Variants in DPYSL2 observed in about 807,000 individuals in gnomAD.
DPYSL2 encodes the protein dihydropyrimidinase-related protein 2.
DPYSL2 carries 13 observed loss-of-function variants against 69.9 expected under a neutral mutation model. The observed-to-expected ratio is 0.19, with a 90% CI of 0.12 to 0.30. DPYSL2 has a LOEUF of 0.30. Ranked by LOEUF, DPYSL2 falls within the 10% of genes least tolerant of loss-of-function variation. DPYSL2 has a pLI of 1.00. For synonymous variants in DPYSL2, 326 were observed against 359.1 expected (o/e 0.91, Z 1.04); for missense variants, 587 against 918.9 (o/e 0.64, Z 4.67).
In DPYSL2 at chr8:26,627,473, C is replaced by T. The variant is rs1802644837; in HGVS notation, c.936+178C>T. 6.6e-6 allele frequency among the ~76,000 whole-genome samples: 1 copy of T among 152,178 alleles called. No homozygotes were observed. The highest frequency in any genetic ancestry group is 1.5e-5 in the Non-Finnish European group (1 of 68,040). On this transcript the variant is annotated intron_variant, in intron 6 of 13. Coordinates refer to ENST00000521913, the MANE Select transcript of DPYSL2 (RefSeq NM_001197293.3). The surrounding 1 kb of genome is among the most constrained non-coding windows in gnomAD (Gnocchi z 6.9). ...GCATGAATGCCAGTGACACACGTGC[C>T]TCTCCGTGTGTGCCACAGAACATCT... is the stretch of plus-strand genomic sequence containing the variant.
At chr8:26,547,168 G>C (rs907662853) in intron 1 of DPYSL2, among the ~76,000 whole-genome samples, 1 of 151,766 alleles carries the variant, frequency 6.6e-6, no homozygotes, top group Non-Finnish European at 1.5e-5. Flanking sequence ...TTGGAGGCCA[G>C]CCTGGGCAAT....
In DPYSL2 at chr8:26,627,313, T is replaced by C. The variant is rs376904203; in HGVS notation, c.936+18T>C. 2 of 1,613,806 alleles carry C rather than the reference T, an allele frequency of 1.2e-6. No homozygotes were observed. Among genetic ancestry groups the C allele is most frequent in the Non-Finnish European group, 1.7e-6 (2 of 1,179,704 alleles). On this transcript the variant is annotated intron_variant, in intron 6 of 13. Coordinates refer to ENST00000521913, the MANE Select transcript of DPYSL2 (RefSeq NM_001197293.3). The surrounding 1 kb of genome is among the most constrained non-coding windows in gnomAD (Gnocchi z 6.9). ...TTGCAGAGGTACAGGGCTTTCTTTTTCGTCATTTCTTCATCACCTGGAGGG... is the reference window on the plus strand; with the variant it reads ...TTGCAGAGGTACAGGGCTTTCTTTTCCGTCATTTCTTCATCACCTGGAGGG...
chr8:26,601,697 G>T (rs780014638), intron 3 of DPYSL2, among the ~76,000 whole-genome samples: 4 of 152,202 alleles, frequency 2.6e-5, no homozygotes, highest in Admixed American at 6.5e-5. Context: ...AGGAACTTCA[G>T]GTGCTAATGT....
chr8:26,627,840 C>T lies in DPYSL2; in HGVS notation c.937-32C>T. On this transcript the variant is annotated intron_variant, in intron 6 of 13. Transcript: ENST00000521913. This position sits in a 1 kb window ranked among gnomAD's most constrained non-coding sequence, Gnocchi z 6.9. ...TCAGAGCTGTGCAAAATCCACTCTC[C>T]CTCACAGCCTGACTTTCTCTAAACA... 1.2e-6 allele frequency: 2 copies of T among 1,610,164 alleles called. No homozygotes were observed. The highest frequency in any genetic ancestry group is 1.7e-6 in the Non-Finnish European group (2 of 1,178,462).
rs1030253648 is a variant in DPYSL2, at chr8:26,598,084, T to G, written c.628+14101T>G. Among the ~76,000 whole-genome samples the G allele has an allele frequency of 6.6e-6, 1 of 152,132 alleles. No individual in the cohort carries two copies. Among genetic ancestry groups the G allele is most frequent in the African/African-American group, 2.4e-5 (1 of 41,420 alleles). On this transcript the variant is annotated intron_variant, in intron 3 of 13. Coordinates refer to ENST00000521913, the MANE Select transcript of DPYSL2 (RefSeq NM_001197293.3). This position sits in a 1 kb window ranked among gnomAD's most constrained non-coding sequence, Gnocchi z 4.2. ...GCATGTCTTGCATAATAGGGTTGCTTTGAGGATCCAGGGAGGTGGTGGCTA... is the reference window on the plus strand; with the variant it reads ...GCATGTCTTGCATAATAGGGTTGCTGTGAGGATCCAGGGAGGTGGTGGCTA...
At chr8:26,540,903 T>G (rs911632420) in intron 1 of DPYSL2, among the ~76,000 whole-genome samples, 1 of 70,938 alleles carries the variant, frequency 1.4e-5, no homozygotes, top group African/African-American at 4.0e-5. Context: ...AGACTCTGTC[T>G]CAAAAAAAAA....
intron 1 of DPYSL2, among the ~76,000 whole-genome samples, chr8:26,572,048 G>A (rs532799448): frequency 4.9e-4 from 74 of 152,306 alleles, no homozygotes; most frequent in African/African-American, 1.7e-3. Context: ...CTGTGTTAGA[G>A]GCCACAGCCC....
At chr8:26,556,192 T>A (rs1200088959) in intron 1 of DPYSL2, among the ~76,000 whole-genome samples, 1 of 9,026 alleles carries the variant, frequency 1.1e-4, no homozygotes, top group African/African-American at 3.6e-4. Context: ...ACTATATATA[T>A]TATATATACT....
At chr8:26,599,836 T>C (rs762130481) in intron 3 of DPYSL2, among the ~76,000 whole-genome samples, 1 of 152,202 alleles carries the variant, frequency 6.6e-6, no homozygotes. Context: ...CACAGAATTG[T>C]GGAAGCATCA....
In DPYSL2 at chr8:26,536,128, C is replaced by T. The variant is rs1167150640; in HGVS notation, c.354+21449C>T. ...TCCTTTTTTTTTTTTTTTCTAGAGACAGAGTCTTGCTAAGTTGCCCAGGCT... is the reference window on the plus strand; with the variant it reads ...TCCTTTTTTTTTTTTTTTCTAGAGATAGAGTCTTGCTAAGTTGCCCAGGCT... On this transcript the variant is annotated intron_variant, in intron 1 of 13. Coordinates refer to ENST00000521913, the MANE Select transcript of DPYSL2 (RefSeq NM_001197293.3). 2.6e-4 allele frequency among the ~76,000 whole-genome samples: 38 copies of T among 146,004 alleles called. 1 individual carries two copies. The highest frequency in any genetic ancestry group is 8.1e-4 in the African/African-American group (32 of 39,272).
intron 1 of DPYSL2, among the ~76,000 whole-genome samples, chr8:26,558,018 T>C (rs1801017203): frequency 6.6e-6 from 1 of 152,008 alleles, no homozygotes; most frequent in Admixed American, 6.5e-5. Context: ...ACAGCCACTT[T>C]GGAAGACAGT....
chr8:26,631,706 G>A (rs993194439), intron 7 of DPYSL2, among the ~76,000 whole-genome samples: 2 of 152,060 alleles, frequency 1.3e-5, no homozygotes, highest in Admixed American at 1.3e-4. Context: ...TGATTTAGAG[G>A]CCCCTCTTGT....
Position 26,562,122 on chromosome 8 carries a change from T to C in DPYSL2, c.355-19847T>C, listed in dbSNP as rs1467481447. ...ACATCCAATCTATTAGTGACTTTTATTGGCAGCAGAAACAAGAGTGGATAA... is the reference window on the plus strand; with the variant it reads ...ACATCCAATCTATTAGTGACTTTTACTGGCAGCAGAAACAAGAGTGGATAA... On this transcript the variant is annotated intron_variant, in intron 1 of 13. Transcript: ENST00000521913. This position sits in a 1 kb window ranked among gnomAD's most constrained non-coding sequence, Gnocchi z 4.9. Among the ~76,000 whole-genome samples the C allele has an allele frequency of 1.3e-5, 2 of 152,322 alleles. No individual in the cohort carries two copies. The highest frequency in any genetic ancestry group is 2.1e-4 in the South Asian group (1 of 4,832).
At position 26,648,866 on chromosome 8, in the gene DPYSL2, G is replaced by T. The variant is rs1187722477; in HGVS notation, c.1596+1066G>T. Reference sequence around the variant, plus strand: ...TGCCACCTGTGAGGACCAGGGTGGTGGGTGTTTCTCAGAAGACTGTTCAAG... The same window carrying T: ...TGCCACCTGTGAGGACCAGGGTGGTTGGTGTTTCTCAGAAGACTGTTCAAG... On this transcript the variant is annotated intron_variant, in intron 11 of 13. Transcript: ENST00000521913. The surrounding 1 kb of genome is among the most constrained non-coding windows in gnomAD (Gnocchi z 4.3). Among the ~76,000 whole-genome samples, 4 of 152,228 alleles carry T rather than the reference G, an allele frequency of 2.6e-5. No homozygotes were observed. Among genetic ancestry groups the T allele is most frequent in the African/African-American group, 9.6e-5 (4 of 41,454 alleles).
chr8:26,579,382 C>A (rs1438134254), intron 1 of DPYSL2, among the ~76,000 whole-genome samples: 1 of 152,242 alleles, frequency 6.6e-6, no homozygotes, highest in African/African-American at 2.4e-5. Context: ...CCAGTGAAAT[C>A]CCAGGGAGGG....
chr8:26,578,325 G>T (rs747910191), intron 1 of DPYSL2: 1 of 1,613,888 alleles, frequency 6.2e-7, no homozygotes, highest in Non-Finnish European at 8.5e-7. Context: ...TCTGCGGTCG[G>T]CCAGCCACCT....
At position 26,525,155 on chromosome 8, in the gene DPYSL2, TAA is replaced by T. The variant is rs760038484; in HGVS notation, c.354+10477_354+10478del. On this transcript the variant is annotated intron_variant, in intron 1 of 13. Coordinates refer to ENST00000521913, the MANE Select transcript of DPYSL2 (RefSeq NM_001197293.3). ...TTTGCCTTTGTAGTCATTCTGACTT[TAA>T]GATTATATAATTATTTACCTGTGCT... Among the ~76,000 whole-genome samples the T allele has an allele frequency of 3.8e-4, 58 of 152,350 alleles. 1 individual carries two copies. The Middle Eastern group carries it at 0.01, about 27-fold the overall frequency.
At chr8:26,525,905 T>G (rs1219809648) in intron 1 of DPYSL2, among the ~76,000 whole-genome samples, 3 of 152,244 alleles carry the variant, frequency 2.0e-5, no homozygotes, top group Non-Finnish European at 4.4e-5. Flanking sequence ...TGAGTTATTT[T>G]AAGACACATG....
chr8:26,589,723 T>C (rs894748025), intron 3 of DPYSL2, among the ~76,000 whole-genome samples: 1 of 152,234 alleles, frequency 6.6e-6, no homozygotes, highest in Admixed American at 6.5e-5. Context: ...TGGTTGTGGA[T>C]GGGACAGCTC....
Sources: allele counts gnomAD v4.1 joint callset (sites outside exome capture counted in the v4.1 genomes callset), GRCh38; gene constraint gnomAD v4.1.1; non-coding constraint Gnocchi (gnomAD v3.1); transcripts MANE v1.5; gene names NCBI Gene and HGNC (gene_info 2026-07-23, HGNC 2026-07-21).